The following TMEM229B variants were observed in gnomAD, a reference collection of about 807,000 sequenced individuals.
The protein encoded by TMEM229B is transmembrane protein 229B.
Under a neutral mutation model 13.7 loss-of-function variants are expected in TMEM229B, and 6 were observed. The ratio of observed to expected loss-of-function variants is 0.44; its 90% CI spans 0.24 to 0.86. TMEM229B has a LOEUF of 0.86. TMEM229B is among the 40% of genes least tolerant of loss of function. TMEM229B has a pLI of 0.23. For missense variants in TMEM229B, 170 were observed against 236.0 expected, an observed-to-expected ratio of 0.72 and a Z score of 1.83; for synonymous variants, 107 against 102.1, an observed-to-expected ratio of 1.05 and a Z score of -0.29.
intron 1 of TMEM229B, among the ~76,000 whole-genome samples, chr14:67,531,389 T>G (rs9671543): frequency 0.51 from 77,391 of 151,822 alleles, 20,110 homozygotes; most frequent in Non-Finnish European, 0.55. Flanking sequence ...TAATGTAGGG[T>G]TCAGTCCACC....
At chr14:67,489,484 G>T (rs1425636833), upstream of TMEM229B, among the ~76,000 whole-genome samples, 1 of 152,178 alleles carries the variant, frequency 6.6e-6, no homozygotes, top group Non-Finnish European at 1.5e-5. Context: ...GACGCTGCTG[G>T]GAGCGTGAAG....
chr14:67,495,129 G>A (rs2032316887), intron 1 of TMEM229B, among the ~76,000 whole-genome samples: 1 of 152,074 alleles, frequency 6.6e-6, no homozygotes, highest in African/African-American at 2.4e-5. Flanking sequence ...ACAGGGGGTG[G>A]GGCCCAGGAA....
chr14:67,501,737 T>C (rs754798756), intron 1 of TMEM229B, among the ~76,000 whole-genome samples: 13 of 152,132 alleles, frequency 8.5e-5, no homozygotes, highest in Admixed American at 2.6e-4. Context: ...AAGTCCCCTA[T>C]CTAAGAGCCT....
intron 1 of TMEM229B, among the ~76,000 whole-genome samples, chr14:67,498,455 C>G (rs1347550153): frequency 2.0e-5 from 3 of 152,176 alleles, no homozygotes; most frequent in Non-Finnish European, 4.4e-5. Flanking sequence ...CCCTTTATTT[C>G]TTTCTCCTTT....
intron 1 of TMEM229B, chr14:67,503,692 ATTATTT>A (rs2032700181): frequency 6.6e-6 from 1 of 151,644 alleles, no homozygotes; most frequent in Non-Finnish European, 1.5e-5. Context: ...CTTTTTTTAA[ATTATTT>A]TTATTTTTTA....
chr14:67,482,702 A>G (rs557457341), intron 2 of TMEM229B, among the ~76,000 whole-genome samples: 1 of 152,318 alleles, frequency 6.6e-6, no homozygotes, highest in Non-Finnish European at 1.5e-5. Context: ...TGTTGTCATC[A>G]AGTTAGCAGG....
rs2030751810 is a variant in TMEM229B at position 67,471,892 on chromosome 14, G to A, written c.*1528C>T. 1 of 152,264 alleles carries A rather than the reference G, an allele frequency of 6.6e-6. No homozygotes were observed. Among genetic ancestry groups the A allele is most frequent in the African/African-American group, 2.4e-5 (1 of 41,464 alleles). 9.4% of individuals were successfully genotyped at this position (152,264 alleles called of 1,614,324 possible). A position where few individuals can be genotyped will look rare whatever the true frequency, so the allele number is the denominator to read the frequency against. ...CTAATTTCTACCTAAGAGTCCTAGT[G>A]TGGTCAAGAAGAGACCATGTACCAT... On this transcript the variant is annotated 3_prime_UTR_variant, in exon 3 of 3. Coordinates refer to ENST00000554480, the MANE Select transcript of TMEM229B (RefSeq NM_001348543.2).
chr14:67,519,142 C>G (rs1246695217), upstream of TMEM229B, among the ~76,000 whole-genome samples: 1 of 152,132 alleles, frequency 6.6e-6, no homozygotes, highest in Non-Finnish European at 1.5e-5. Flanking sequence ...CTCTTTGCAA[C>G]TGCCCCTTCT....
At chr14:67,526,829 G>A (rs2033374306) in intron 1 of TMEM229B, among the ~76,000 whole-genome samples, 1 of 151,980 alleles carries the variant, frequency 6.6e-6, no homozygotes, top group African/African-American at 2.4e-5. Context: ...CCATACTGAG[G>A]GCAGGTTTGT....
chr14:67,517,265 G>A (rs551334956), upstream of TMEM229B, among the ~76,000 whole-genome samples: 1 of 152,208 alleles, frequency 6.6e-6, no homozygotes, highest in Non-Finnish European at 1.5e-5. Context: ...GCTGTGGCCG[G>A]CGGCTGGCAG....
At chr14:67,499,801 T>C (rs2032530905) in intron 1 of TMEM229B, among the ~76,000 whole-genome samples, 1 of 151,780 alleles carries the variant, frequency 6.6e-6, no homozygotes. Context: ...GCAGCCTCAA[T>C]TCCCACAGGC....
chr14:67,513,429 CCTGCT>C (rs2033093269), intron 1 of TMEM229B, among the ~76,000 whole-genome samples: 2 of 152,182 alleles, frequency 1.3e-5, no homozygotes, highest in African/African-American at 4.8e-5. Context: ...TCAGTTTTCT[CCTGCT>C]ACTCCTTATT....
At chr14:67,490,906 G>A (rs936402894), upstream of TMEM229B, among the ~76,000 whole-genome samples, 3 of 152,176 alleles carry the variant, frequency 2.0e-5, no homozygotes, top group African/African-American at 7.2e-5. Context: ...GAGGGGGGCA[G>A]ATATGCCCCC....
chr14:67,530,857 A>C (rs190148536), intron 1 of TMEM229B, among the ~76,000 whole-genome samples: 1 of 152,298 alleles, frequency 6.6e-6, no homozygotes, highest in African/African-American at 2.4e-5. Context: ...GGCCTTAACT[A>C]TTTTTAATAT....
Position 67,497,861 on chromosome 14 carries a change from T to C in TMEM229B, c.-191-10689A>G, listed in dbSNP as rs2032454004. On this transcript the variant is annotated intron_variant, in intron 1 of 2. Coordinates refer to the TMEM229B transcript ENST00000357461. ...GTGTATGTTACATTCTCGGTGAGTCTATGTAAAGGTTCAAGCATCTGACTG... is the reference window on the plus strand; with the variant it reads ...GTGTATGTTACATTCTCGGTGAGTCCATGTAAAGGTTCAAGCATCTGACTG... Among the ~76,000 whole-genome samples the C allele has an allele frequency of 3.9e-5, 6 of 151,930 alleles. No individual in the cohort carries two copies. The South Asian group carries it at 1.3e-3, about 32-fold the overall frequency.
chr14:67,508,769 A>AAAAAAAAAAAAAAAAAAAAAAG (rs1208839015), intron 1 of TMEM229B, among the ~76,000 whole-genome samples: 1 of 151,002 alleles, frequency 6.6e-6, no homozygotes, highest in Non-Finnish European at 1.5e-5. Flanking sequence ...AAAAAAAAAA[A>AAAAAAAAAAAAAAAAAAAAAAG]AACAGAAGAC....
At position 67,499,916 on chromosome 14, in the gene TMEM229B, G is replaced by A. The variant is rs1167334526; in HGVS notation, c.-191-12744C>T. Among the ~76,000 whole-genome samples the A allele has an allele frequency of 8.5e-5, 13 of 152,164 alleles. 1 individual carries two copies. The East Asian group carries it at 2.5e-3, about 29-fold the overall frequency. ...CCTCCACCATCTGAAGACACCTGGG[G>A]GCTGCGGATTAAGGAGGGGAGTGGT... On this transcript the variant is annotated intron_variant, in intron 1 of 2. Transcript: ENST00000357461.
intron 1 of TMEM229B, among the ~76,000 whole-genome samples, chr14:67,500,230 C>T (rs141883236): frequency 1.3e-5 from 2 of 152,178 alleles, no homozygotes; most frequent in African/African-American, 4.8e-5. Context: ...AATCCCAGCA[C>T]TTTGGGAGGC....
At chr14:67,491,342 C>T (rs146939182), upstream of TMEM229B, among the ~76,000 whole-genome samples, 32 of 152,306 alleles carry the variant, frequency 2.1e-4, no homozygotes, top group Non-Finnish European at 4.1e-4. Flanking sequence ...TCTCCACCCT[C>T]CCACACCTTT....
Sources: allele counts gnomAD v4.1 joint callset (sites outside exome capture counted in the v4.1 genomes callset), GRCh38; gene constraint gnomAD v4.1.1; transcripts MANE v1.5; gene names NCBI Gene and HGNC (gene_info 2026-07-23, HGNC 2026-07-21).